The following LIMA1 variants were observed in gnomAD, a reference collection of about 807,000 sequenced individuals.
LIMA1 encodes the protein LIM domain and actin binding 1.
In LIMA1, 52 loss-of-function variants were observed where a neutral mutation model predicts 62.6. That is an observed-to-expected ratio of 0.83 (90% CI 0.67 to 1.05). LIMA1 has a LOEUF of 1.05. LIMA1 is among the 50% of genes least tolerant of loss of function. LIMA1 has a pLI of 0.00. For missense variants in LIMA1, 780 were observed against 902.2 expected, an observed-to-expected ratio of 0.86 and a Z score of 1.74; for synonymous variants, 302 against 317.8, an observed-to-expected ratio of 0.95 and a Z score of 0.53.
At chr12:50,213,051 G>A (rs1565843203) in intron 4 of LIMA1, among the ~76,000 whole-genome samples, 2 of 152,166 alleles carry the variant, frequency 1.3e-5, no homozygotes, top group South Asian at 2.1e-4. Flanking sequence ...CTGACCTCAA[G>A]TGCTGGGATT....
intron 1 of LIMA1, among the ~76,000 whole-genome samples, chr12:50,261,996 A>T (rs1051178232): frequency 6.6e-6 from 1 of 152,222 alleles, no homozygotes; most frequent in African/African-American, 2.4e-5. Context: ...GGGAAAAGAA[A>T]TCAAACAATA....
chr12:50,205,844 G>T, intron 5 of LIMA1, 140 bp downstream of exon 5: 3 of 348,576 alleles, frequency 8.6e-6, no homozygotes, highest in East Asian at 4.8e-5. Context: ...TGAGATTTGA[G>T]AATGGCTTGC....
chr12:50,277,342 C>T (rs555235221), intron 1 of LIMA1, among the ~76,000 whole-genome samples: 1 of 152,206 alleles, frequency 6.6e-6, no homozygotes, highest in African/African-American at 2.4e-5. Context: ...CCCCTTGCTA[C>T]TCCGGTGGAC....
intron 8 of LIMA1, among the ~76,000 whole-genome samples, chr12:50,194,108 C>T (rs1391523780): frequency 6.9e-6 from 1 of 143,992 alleles, no homozygotes; most frequent in Admixed American, 6.9e-5. Flanking sequence ...CTGTCTCAGC[C>T]TCCTGAGTAG....
chr12:50,192,065 G>C (rs544976621), intron 9 of LIMA1, among the ~76,000 whole-genome samples: 4 of 150,948 alleles, frequency 2.6e-5, no homozygotes, highest in South Asian at 2.1e-4. Flanking sequence ...AACATGGGGG[G>C]GCGGAGGTTA....
At chr12:50,213,769 T>C (rs989752859) in intron 4 of LIMA1, among the ~76,000 whole-genome samples, 1 of 152,242 alleles carries the variant, frequency 6.6e-6, no homozygotes, top group Non-Finnish European at 1.5e-5. Context: ...GAAGTCTTTC[T>C]AGCCCCCTTG....
chr12:50,243,433 T>C (rs145787220), intron 2 of LIMA1, among the ~76,000 whole-genome samples: 8 of 152,294 alleles, frequency 5.3e-5, no homozygotes, highest in Admixed American at 1.3e-4. Flanking sequence ...TTGTGGAAAA[T>C]AGTCCTGTAG....
At chr12:50,194,686 G>A (rs1371206424) in intron 8 of LIMA1, among the ~76,000 whole-genome samples, 5 of 152,304 alleles carry the variant, frequency 3.3e-5, no homozygotes, top group South Asian at 2.1e-4. Flanking sequence ...AGGACTGCTT[G>A]AGACCAGGAG....
chr12:50,213,744 G>T (rs1011453406), intron 4 of LIMA1, among the ~76,000 whole-genome samples: 2 of 152,214 alleles, frequency 1.3e-5, no homozygotes, highest in African/African-American at 4.8e-5. Context: ...AGTAATATTT[G>T]TACTGGGGGG....
chr12:50,258,866 T>C (rs967128039), intron 1 of LIMA1, among the ~76,000 whole-genome samples: 5 of 151,232 alleles, frequency 3.3e-5, no homozygotes, highest in African/African-American at 4.9e-5. Flanking sequence ...CAGGATGGTC[T>C]CGATCTCTTG....
intron 1 of LIMA1, among the ~76,000 whole-genome samples, chr12:50,257,474 G>A (rs545252755): frequency 6.6e-6 from 1 of 152,308 alleles, no homozygotes; most frequent in African/African-American, 2.4e-5. Flanking sequence ...CAGAAGGAAT[G>A]CTGAGGGCAG....
chr12:50,228,278 G>A (rs1384567827), intron 3 of LIMA1, among the ~76,000 whole-genome samples: 2 of 152,128 alleles, frequency 1.3e-5, no homozygotes, highest in African/African-American at 2.4e-5. Flanking sequence ...CATAAGAGAT[G>A]CTCCACATAT....
chr12:50,236,080 G>C (rs143851918), intron 2 of LIMA1, among the ~76,000 whole-genome samples: 1 of 151,638 alleles, frequency 6.6e-6, no homozygotes, highest in Admixed American at 6.6e-5. Flanking sequence ...CACGAGAATC[G>C]CCTGAACCCG....
intron 3 of LIMA1, 64 bp downstream of exon 3, chr12:50,231,601 G>A: frequency 6.9e-7 from 1 of 1,448,182 alleles, no homozygotes; most frequent in Non-Finnish European, 9.7e-7. Flanking sequence ...AGAGGCTGCA[G>A]GTGGCTTGGC....
intron 3 of LIMA1, among the ~76,000 whole-genome samples, chr12:50,229,458 C>T (rs1240030428): frequency 2.6e-5 from 4 of 152,072 alleles, no homozygotes; most frequent in South Asian, 2.1e-4. Context: ...AACCAAACAC[C>T]GCATGTTCTT....
intron 10 of LIMA1, among the ~76,000 whole-genome samples, chr12:50,178,968 T>TATATA (rs1565825169): frequency 1.2e-4 from 11 of 92,762 alleles, no homozygotes; most frequent in African/African-American, 4.4e-4. Context: ...ATATATATAT[T>TATATA]TTTTTTTTCT....
At chr12:50,281,299 T>C (rs1942336866) in intron 1 of LIMA1, among the ~76,000 whole-genome samples, 1 of 152,058 alleles carries the variant, frequency 6.6e-6, no homozygotes, top group African/African-American at 2.4e-5. Flanking sequence ...AAAACATTTT[T>C]CCCCACCCAC....
chr12:50,276,417 A>T (rs1439418776), intron 1 of LIMA1, among the ~76,000 whole-genome samples: 1 of 152,208 alleles, frequency 6.6e-6, no homozygotes, highest in Non-Finnish European at 1.5e-5. Flanking sequence ...AAGGCATTAA[A>T]CATATTGGTT....
At chr12:50,234,270 ACG>A in intron 2 of LIMA1, 1 of 358,544 alleles carries the variant, frequency 2.8e-6, no homozygotes, top group Non-Finnish European at 5.5e-6. Flanking sequence ...GTGCAGTGGC[ACG>A]ATCTCAGCTA....
Sources: gnomAD v4.1 joint callset for allele counts (sites outside exome capture counted in the v4.1 genomes callset) on GRCh38, gnomAD v4.1.1 for gene constraint, MANE v1.5 for transcripts, NCBI Gene and HGNC (gene_info 2026-07-23, HGNC 2026-07-21) for gene names.